Variants in ZNF264 observed in about 807,000 individuals in gnomAD.
ZNF264 encodes zinc finger protein 264.
Under a neutral mutation model 11.2 loss-of-function variants are expected in ZNF264, and 11 were observed. The ratio of observed to expected loss-of-function variants is 0.98; its 90% CI spans 0.62 to 1.63. The LOEUF is 1.63. ZNF264 is among the 40% of genes most tolerant of loss of function. The pLI is 0.00. For missense variants in ZNF264, 752 were observed against 768.1 expected (o/e 0.98, Z 0.25); for synonymous variants, 309 against 279.8 (o/e 1.10, Z -1.04).
Position 57,191,859 on chromosome 19 carries a change from C to T in ZNF264, c.-55C>T. 1 of 1,273,640 alleles carries T rather than the reference C, an allele frequency of 7.9e-7. No homozygotes were observed. Among genetic ancestry groups the T allele is most frequent in the Non-Finnish European group, 9.9e-7 (1 of 1,006,296 alleles). The allele number at this position is 1,273,640 out of a possible 1,614,324, so 78.9% of individuals were successfully genotyped here. A position where few individuals can be genotyped will look rare whatever the true frequency, so the allele number is the denominator to read the frequency against. On this transcript the variant is annotated 5_prime_UTR_variant, in exon 1 of 4. Coordinates refer to ENST00000263095, the MANE Select transcript of ZNF264 (RefSeq NM_003417.5). ...GCCAGGGTCGGGCACAGGTGGGGTC[C>T]GTCAGGCCGCCCGGGGCTCCTCTGT...
At chr19:57,211,064 C>T (rs552980028) in intron 3 of ZNF264, among the ~76,000 whole-genome samples, 2 of 152,264 alleles carry the variant, frequency 1.3e-5, no homozygotes, top group African/African-American at 4.8e-5. Flanking sequence ...TTACCATGCA[C>T]GGTGTCGTCG....
chr19:57,205,793 C>T (rs2087287854), intron 3 of ZNF264, among the ~76,000 whole-genome samples: 1 of 152,180 alleles, frequency 6.6e-6, no homozygotes, highest in African/African-American at 2.4e-5. Context: ...CAGTCACCTG[C>T]TGTGTGGCCC....
intron 3 of ZNF264, 104 bp from the exon 4 acceptor site, chr19:57,211,250 C>G: frequency 8.6e-7 from 1 of 1,167,938 alleles, no homozygotes; most frequent in East Asian, 2.6e-5. Context: ...AATAGCAACA[C>G]AGAGGCAATA....
rs765243675 is a variant in ZNF264, at chr19:57,197,223, G to A, written c.160+3222G>A. On this transcript the variant is annotated intron_variant, in intron 2 of 3. Transcript: ENST00000263095. ...CATGTAACTTGTGCCTTCAGGATCCGCTTGAGCCCAATCACATATATACCA... is the reference window on the plus strand; with the variant it reads ...CATGTAACTTGTGCCTTCAGGATCCACTTGAGCCCAATCACATATATACCA... 4.0e-5 allele frequency among the ~76,000 whole-genome samples: 6 copies of A among 151,766 alleles called. 1 individual carries two copies. Among genetic ancestry groups the A allele is most frequent in the African/African-American group, 1.5e-4 (6 of 41,080 alleles).
Position 57,212,929 on chromosome 19 carries a change from C to A in ZNF264, c.1832C>A (p.Ser611Tyr). 1.2e-6 allele frequency: 2 copies of A among 1,614,108 alleles called. No individual in the cohort carries two copies. The highest frequency in any genetic ancestry group is 1.7e-6 in the Non-Finnish European group (2 of 1,179,962). ...ANILPEETSS[S>Y]ASDQPYQRET... ...ATTTTGCCAGAGGAAACATCTTCCT[C>A]TGCATCTGATCAACCATACCAAAGA... Residue 611 changes from serine (S) to tyrosine (Y), a missense_variant, in exon 4 of 4, where the codon TCT (serine) becomes TAT (tyrosine). Coordinates refer to ENST00000263095, the MANE Select transcript of ZNF264 (RefSeq NM_003417.5).
At chr19:57,198,933 G>C (rs1446473105) in intron 2 of ZNF264, among the ~76,000 whole-genome samples, 1 of 151,880 alleles carries the variant, frequency 6.6e-6, no homozygotes, top group Non-Finnish European at 1.5e-5. Flanking sequence ...AAATTGAAGG[G>C]CCATGATTCT....
intron 2 of ZNF264, among the ~76,000 whole-genome samples, chr19:57,202,879 T>G (rs1428057956): frequency 1.1e-4 from 16 of 152,018 alleles, no homozygotes; most frequent in Admixed American, 1.0e-3. Flanking sequence ...CCTGGACTTG[T>G]GACTGGAGTG....
chr19:57,195,699 C>T (rs2087207002), intron 2 of ZNF264, among the ~76,000 whole-genome samples: 1 of 151,860 alleles, frequency 6.6e-6, no homozygotes, highest in Admixed American at 6.6e-5. Context: ...AGACTGATTT[C>T]ATCTTGATAG....
intron 2 of ZNF264, among the ~76,000 whole-genome samples, chr19:57,202,519 G>A (rs563645831): frequency 1.6e-4 from 25 of 151,826 alleles, no homozygotes; most frequent in Admixed American, 1.1e-3. Context: ...CCCTCCTTTC[G>A]CTCTAACGTT....
At position 57,213,976 on chromosome 19, in the gene ZNF264, G is replaced by A. The variant is rs1033265651; in HGVS notation, c.*995G>A. The A allele has an allele frequency of 6.6e-6, 1 of 152,136 alleles. No individual in the cohort carries two copies. Among genetic ancestry groups the A allele is most frequent in the South Asian group, 2.1e-4 (1 of 4,832 alleles). The allele number at this position is 152,136 out of a possible 1,614,324, so 9.4% of individuals were successfully genotyped here. A position where few individuals can be genotyped will look rare whatever the true frequency, so the allele number is the denominator to read the frequency against. The stretch of plus-strand genomic sequence containing the variant: ...AGGGTGCTTTTTTGTTTGTGTGTGT[G>A]TGTAATTTGAGTGATTGTAAATGGC... On this transcript the variant is annotated 3_prime_UTR_variant, in exon 4 of 4. Coordinates refer to ENST00000263095, the MANE Select transcript of ZNF264 (RefSeq NM_003417.5).
chr19:57,197,603 TCTC>T (rs1361595074), intron 2 of ZNF264, among the ~76,000 whole-genome samples: 1 of 151,860 alleles, frequency 6.6e-6, no homozygotes, highest in East Asian at 1.9e-4. Flanking sequence ...TGCAGAGCCT[TCTC>T]CTGTTCTGGA....
In ZNF264 at chr19:57,211,892, A is replaced by T. The variant is rs2087339502; in HGVS notation, c.795A>T (p.Gly265=). ...GGCCCTATGAGTGCATGGAGTGTGG[A>T]AAGGCCTTCAACCGCAAGTCATACC... ...GERPYECMEC[G]KAFNRKSYLT... The change falls in exon 4 of 4, where the codon GGA becomes GGT. Residue 265 remains glycine, a synonymous_variant. Transcript: ENST00000263095. 6.2e-7 allele frequency: 1 copy of T among 1,613,106 alleles called. No homozygotes were observed. Among genetic ancestry groups the T allele is most frequent in the African/African-American group, 1.3e-5 (1 of 74,668 alleles).
chr19:57,209,882 G>T (rs928167290), intron 3 of ZNF264, among the ~76,000 whole-genome samples: 7 of 152,010 alleles, frequency 4.6e-5, no homozygotes, highest in Non-Finnish European at 8.8e-5. Flanking sequence ...ACAGGCTTTG[G>T]GGGGCTGAGG....
At position 57,212,753 on chromosome 19, in the gene ZNF264, G is replaced by C. The variant is rs569173108; in HGVS notation, c.1656G>C (p.Ser552=). Residue 552 remains serine (S), a synonymous_variant, in exon 4 of 4, where the codon TCG becomes TCC. Coordinates refer to ENST00000263095, the MANE Select transcript of ZNF264 (RefSeq NM_003417.5). The stretch of plus-strand genomic sequence containing the variant: ...GTGGAAAGGCCTTCAGTCGCAGCTC[G>C]TCCCTCACTCAGCATCAAAGGATGC... The part of the protein sequence containing the change: ...SECGKAFSRS[S]SLTQHQRMHT... 1 of 1,614,140 alleles carries C rather than the reference G, an allele frequency of 6.2e-7. No individual in the cohort carries two copies. The highest frequency in any genetic ancestry group is 8.5e-7 in the Non-Finnish European group (1 of 1,179,986).
rs941138137 is a variant in ZNF264, at chr19:57,213,493, A to C, written c.*512A>C. 6 of 153,006 alleles carry C rather than the reference A, an allele frequency of 3.9e-5. No homozygotes were observed. Among genetic ancestry groups the C allele is most frequent in the African/African-American group, 7.2e-5 (3 of 41,444 alleles). 9.5% of individuals were successfully genotyped at this position (153,006 alleles called of 1,614,324 possible). ...ATGAAATACTCACGTTTAAGTCAGT[A>C]AGGATACACATGTTAACATTCAGGC... On this transcript the variant is annotated 3_prime_UTR_variant, in exon 4 of 4. Transcript: ENST00000263095.
chr19:57,212,936 T>C lies in ZNF264; in HGVS notation c.1839T>C (p.Ser613=). ...CAGAGGAAACATCTTCCTCTGCATC[T>C]GATCAACCATACCAAAGAGAAACCC... ...ILPEETSSSA[S]DQPYQRETPQ... is the part of the protein sequence containing the mutation. Residue 613 remains serine, a synonymous_variant, in exon 4 of 4, where the codon TCT becomes TCC. Transcript: ENST00000263095. 1.2e-6 allele frequency: 2 copies of C among 1,613,724 alleles called. No individual in the cohort carries two copies. The highest frequency in any genetic ancestry group is 1.7e-6 in the Non-Finnish European group (2 of 1,179,644).
chr19:57,205,331 C>T, intron 2 of ZNF264, 66 bp from the exon 3 acceptor site: 1 of 1,476,914 alleles, frequency 6.8e-7, no homozygotes, highest in Non-Finnish European at 9.3e-7. Flanking sequence ...AAGTCCCAAA[C>T]TAGATTGAAG....
chr19:57,192,758 G>A (rs1274903305), intron 1 of ZNF264, among the ~76,000 whole-genome samples: 1 of 152,186 alleles, frequency 6.6e-6, no homozygotes, highest in African/African-American at 2.4e-5. Context: ...TTGAGACAGG[G>A]TCTCACTCTG....
At chr19:57,204,746 A>T (rs2087279217) in intron 2 of ZNF264, among the ~76,000 whole-genome samples, 1 of 152,206 alleles carries the variant, frequency 6.6e-6, no homozygotes. Context: ...GCAGGGAGCC[A>T]TTGCAATCCT....
Sources: gnomAD v4.1 joint callset for allele counts (sites outside exome capture counted in the v4.1 genomes callset) on GRCh38, gnomAD v4.1.1 for gene constraint, MANE v1.5 for transcripts, NCBI Gene and HGNC (gene_info 2026-07-23, HGNC 2026-07-21) for gene names.